The following CHD2 variants were observed in gnomAD, a reference collection of about 807,000 sequenced individuals.
CHD2 encodes chromodomain helicase DNA binding protein 2, also known as ATP-dependent chromatin remodeler CHD2.
Under a neutral mutation model 243.9 loss-of-function variants are expected in CHD2, and 28 were observed. The observed-to-expected ratio is 0.11, with a 90% CI of 0.09 to 0.16. The LOEUF (loss-of-function observed/expected upper bound fraction) is 0.16, where lower values mean the gene tolerates loss of function less well. CHD2 is among the 10% of genes least tolerant of loss of function. The pLI, the probability that CHD2 is intolerant of heterozygous loss-of-function variation, is 1.00. For missense variants in CHD2, 1,386 were observed against 2,209.8 expected, an observed-to-expected ratio of 0.63 and a Z score of 7.47; for synonymous variants, 775 against 779.0, an observed-to-expected ratio of 0.99 and a Z score of 0.09.
intron 2 of CHD2, among the ~76,000 whole-genome samples, chr15:92,920,546 A>G (rs1386244196): frequency 2.0e-5 from 3 of 152,184 alleles, no homozygotes; most frequent in East Asian, 3.8e-4. Flanking sequence ...CACTATAAAC[A>G]TTTCTAGTTG....
At chr15:93,000,460 C>CT (rs1383926022) in intron 31 of CHD2, 52 bp from the exon 32 acceptor site, 3 of 1,543,960 alleles carry the variant, frequency 1.9e-6, no homozygotes, top group African/African-American at 1.4e-5. Flanking sequence ...TTTGGTTATG[C>CT]TTTTGAGTGT....
intron 31 of CHD2, among the ~76,000 whole-genome samples, chr15:92,999,628 A>G (rs907456932): frequency 4.6e-5 from 7 of 152,180 alleles, no homozygotes; most frequent in South Asian, 4.1e-4. Context: ...AAATTTGAGG[A>G]AAAAAACCCA....
chr15:92,982,937 A>G (rs1184879189), intron 24 of CHD2, among the ~76,000 whole-genome samples: 6 of 152,152 alleles, frequency 3.9e-5, no homozygotes, highest in Non-Finnish European at 7.4e-5. Context: ...ATAGAAATGT[A>G]TTTCTCACAG....
At chr15:92,903,572 T>C (rs2052561352) in intron 2 of CHD2, among the ~76,000 whole-genome samples, 5 of 121,986 alleles carry the variant, frequency 4.1e-5, no homozygotes. Flanking sequence ...TTAAAAACTT[T>C]AAAAAACGCG....
At chr15:92,966,017 C>T (rs192163307) in intron 16 of CHD2, among the ~76,000 whole-genome samples, 2 of 151,698 alleles carry the variant, frequency 1.3e-5, no homozygotes, top group Non-Finnish European at 2.9e-5. Flanking sequence ...TGTGAGGTAT[C>T]ATCTCCAGCA....
intron 2 of CHD2, among the ~76,000 whole-genome samples, chr15:92,912,992 A>G (rs1156513006): frequency 6.6e-6 from 1 of 152,054 alleles, no homozygotes; most frequent in Non-Finnish European, 1.5e-5. Context: ...TCCCTTGCTT[A>G]AAAAAAAGTC....
chr15:92,908,177 T>A (rs1177848731), intron 2 of CHD2, among the ~76,000 whole-genome samples: 1 of 151,830 alleles, frequency 6.6e-6, no homozygotes, highest in Non-Finnish European at 1.5e-5. Flanking sequence ...CCCTGGTTTA[T>A]CCTCTGTCTC....
intron 31 of CHD2, among the ~76,000 whole-genome samples, chr15:92,999,885 TAC>T (rs1167221606): frequency 6.6e-5 from 10 of 152,234 alleles, no homozygotes; most frequent in African/African-American, 2.4e-4. Context: ...TACTTTTGTA[TAC>T]AGAGTGATTT....
chr15:92,974,817 G>C lies in CHD2; in HGVS notation c.2506-62G>C, dbSNP rs372530005. On this transcript the variant is annotated intron_variant, in intron 19 of 38. Coordinates refer to ENST00000394196, the MANE Select transcript of CHD2 (RefSeq NM_001271.4). ...AGGTGATAAAGGTTCCAAGTCTGCT[G>C]TTCTATTCTGAGTGTAGCTGATCTT... is the stretch of plus-strand genomic sequence containing the variant. 7 of 1,487,930 alleles carry C rather than the reference G, an allele frequency of 4.7e-6. No homozygotes were observed. The African/African-American group carries it at 9.7e-5, about 21-fold the overall frequency. 92.2% of individuals were successfully genotyped at this position (1,487,930 alleles called of 1,614,324 possible).
At position 93,027,976 on chromosome 15, in the gene CHD2, T is replaced by A. The variant is rs1329005067; in HGVS notation, c.*3271T>A. 2 of 152,778 alleles carry A rather than the reference T, an allele frequency of 1.3e-5. No homozygotes were observed. Among genetic ancestry groups the A allele is most frequent in the African/African-American group, 4.8e-5 (2 of 41,580 alleles). The allele number at this position is 152,778 out of a possible 1,614,324, so 9.5% of individuals were successfully genotyped here. On this transcript the variant is annotated 3_prime_UTR_variant, in exon 39 of 39. Transcript: ENST00000394196. Reference sequence around the variant, plus strand: ...CTTTTGATTCTTGTATATTAAAAAGTGTTACTGAGCATTTTTAGAATTGGG... The same window carrying A: ...CTTTTGATTCTTGTATATTAAAAAGAGTTACTGAGCATTTTTAGAATTGGG...
intron 2 of CHD2, among the ~76,000 whole-genome samples, chr15:92,909,679 C>T (rs2052691988): frequency 6.6e-6 from 1 of 152,130 alleles, no homozygotes. Context: ...GCTGGGACCA[C>T]AGGTGTGTAC....
In CHD2 at chr15:92,900,657, A is replaced by G. The variant is rs1171819723; in HGVS notation, c.-239A>G. 3 of 394,018 alleles carry G rather than the reference A, an allele frequency of 7.6e-6. No individual in the cohort carries two copies. Among genetic ancestry groups the G allele is most frequent in the African/African-American group, 6.2e-5 (3 of 48,234 alleles). 24.4% of individuals were successfully genotyped at this position (394,018 alleles called of 1,614,324 possible). A position where few individuals can be genotyped will look rare whatever the true frequency, so the allele number is the denominator to read the frequency against. On this transcript the variant is annotated 5_prime_UTR_variant, in exon 1 of 39. Transcript: ENST00000394196. ...GTTTTTTTTCTTTCGGACCTGTTTTAGTATTAATTATTGCTTTATTTTTTT... is the reference window on the plus strand; with the variant it reads ...GTTTTTTTTCTTTCGGACCTGTTTTGGTATTAATTATTGCTTTATTTTTTT...
Position 92,930,655 on chromosome 15 carries a change from C to G in CHD2, c.443+1564C>G, listed in dbSNP as rs77801210. ...CTATGTTTCTCAGGCTGGTTTCAAC[C>G]TCCTGAGCTCAAGCAGTCCTCCAGC... is the stretch of plus-strand genomic sequence containing the variant. On this transcript the variant is annotated intron_variant, in intron 5 of 38. Coordinates refer to ENST00000394196, the MANE Select transcript of CHD2 (RefSeq NM_001271.4). 8.6e-3 allele frequency among the ~76,000 whole-genome samples: 1,312 copies of G among 152,214 alleles called. 17 individuals carry two copies. Among genetic ancestry groups the G allele is most frequent in the African/African-American group, 0.027 (1,126 of 41,540 alleles).
intron 37 of CHD2, among the ~76,000 whole-genome samples, chr15:93,016,779 C>CAAA (rs58103362): frequency 1.7e-4 from 13 of 77,982 alleles, no homozygotes; most frequent in Non-Finnish European, 2.3e-4. Context: ...GAGACCGTCT[C>CAAA]AAAAAAAAAA....
chr15:92,934,589 C>T (rs1404414033), intron 5 of CHD2, among the ~76,000 whole-genome samples: 1 of 152,122 alleles, frequency 6.6e-6, no homozygotes. Flanking sequence ...TATAAGAGGC[C>T]AGTAATGTAG....
chr15:92,979,048 G>A lies in CHD2; in HGVS notation c.2728-87G>A, dbSNP rs183436494. ...ATTCTGTTAAAATTTTCCCCTCTTG[G>A]GTTTTGACAGAGCTAATCCTTCTCT... On this transcript the variant is annotated intron_variant, in intron 21 of 38. Coordinates refer to ENST00000394196, the MANE Select transcript of CHD2 (RefSeq NM_001271.4). The A allele has an allele frequency of 2.1e-3, 3,255 of 1,525,374 alleles. 7 individuals are homozygous for A. The highest frequency in any genetic ancestry group is 2.7e-3 in the Middle Eastern group (13 of 4,824). 94.5% of individuals were successfully genotyped at this position (1,525,374 alleles called of 1,614,324 possible).
At chr15:92,934,939 G>A (rs2053238184) in intron 5 of CHD2, among the ~76,000 whole-genome samples, 1 of 152,068 alleles carries the variant, frequency 6.6e-6, no homozygotes, top group South Asian at 2.1e-4. Context: ...TGGTGATATG[G>A]CCAAGCAACT....
intron 16 of CHD2, among the ~76,000 whole-genome samples, chr15:92,960,530 C>A (rs1023419900): frequency 1.3e-5 from 2 of 151,886 alleles, no homozygotes; most frequent in Admixed American, 6.6e-5. Context: ...GTTGAGATGA[C>A]CATGTGGTTT....
intron 16 of CHD2, among the ~76,000 whole-genome samples, chr15:92,963,609 T>C (rs751527962): frequency 5.3e-5 from 8 of 152,238 alleles, no homozygotes; most frequent in South Asian, 2.1e-4. Context: ...TCCTGTGTAT[T>C]CAGGTCGCTG....
Sources: gnomAD v4.1 joint callset for allele counts (sites outside exome capture counted in the v4.1 genomes callset) on GRCh38, gnomAD v4.1.1 for gene constraint, MANE v1.5 for transcripts, NCBI Gene and HGNC (gene_info 2026-07-23, HGNC 2026-07-21) for gene names.